The following KDM5B variants were observed in gnomAD, a reference collection of about 807,000 sequenced individuals.
KDM5B encodes lysine-specific demethylase 5B.
KDM5B carries 144 observed loss-of-function variants against 193.4 expected under a neutral mutation model. The ratio of observed to expected loss-of-function variants is 0.74; its 90% confidence interval spans 0.65 to 0.86. The LOEUF is 0.86. Among genes scored for constraint, KDM5B ranks in the 40% least tolerant of loss-of-function variants. The pLI, the probability that KDM5B is intolerant of heterozygous loss-of-function variation, is 0.00. For synonymous variants in KDM5B, 668 were observed against 682.6 expected (o/e 0.98, Z 0.33); for missense variants, 1,833 against 1,886.9 (o/e 0.97, Z 0.53).
intron 13 of KDM5B, 118 bp from the exon 14 acceptor site, chr1:202,749,257 T>C (rs1380924644): frequency 4.6e-6 from 4 of 869,858 alleles, no homozygotes; most frequent in Middle Eastern, 2.4e-4. Flanking sequence ...CACGTATCAT[T>C]TACCAACCCT....
At chr1:202,786,643 A>G (rs1359540265) in intron 1 of KDM5B, among the ~76,000 whole-genome samples, 2 of 152,250 alleles carry the variant, frequency 1.3e-5, no homozygotes, top group African/African-American at 2.4e-5. Context: ...TGTGCCCACT[A>G]TACAAAACTT....
chr1:202,779,259 G>A (rs781424471), intron 1 of KDM5B, among the ~76,000 whole-genome samples: 5 of 151,584 alleles, frequency 3.3e-5, no homozygotes, highest in South Asian at 4.2e-4. Flanking sequence ...GGTGACTCAC[G>A]CCTGTAATCA....
Position 202,808,077 on chromosome 1 carries a change from G to C in KDM5B, c.204+25C>G, listed in dbSNP as rs760254375. ...CGCTCCCTCCCCCAGCCACGAGCTG[G>C]ATCCGGGGTGCTGGCGTGACTCACC... On this transcript the variant is annotated intron_variant, in intron 1 of 26. Transcript: ENST00000367265. The C allele has an allele frequency of 2.5e-6, 4 of 1,604,240 alleles. No individual in the cohort carries two copies. In the East Asian group the frequency reaches 6.8e-5, roughly 27 times the overall value.
Position 202,774,509 on chromosome 1 carries a change from C to T in KDM5B, c.405+104G>A, listed in dbSNP as rs377743267. The T allele has an allele frequency of 5.5e-5, 59 of 1,063,732 alleles. 1 individual carries two copies. Among genetic ancestry groups the T allele is most frequent in the Admixed American group, 2.1e-4 (10 of 46,960 alleles). 65.9% of individuals were successfully genotyped at this position (1,063,732 alleles called of 1,614,324 possible). On this transcript the variant is annotated intron_variant, in intron 3 of 26. Coordinates refer to ENST00000367265, the MANE Select transcript of KDM5B (RefSeq NM_006618.5). ...TCCCAAAGTGCTGAGATTACAGGTG[C>T]GAGCCACCTGGCTGAGCAATAAGTT... is the stretch of plus-strand genomic sequence containing the variant.
At chr1:202,754,235 G>C (rs1220463634) in intron 11 of KDM5B, among the ~76,000 whole-genome samples, 1 of 152,178 alleles carries the variant, frequency 6.6e-6, no homozygotes, top group Non-Finnish European at 1.5e-5. Flanking sequence ...ACAGCTGGGA[G>C]AAACTGCCTA....
At chr1:202,753,283 G>C (rs1227112250) in intron 11 of KDM5B, among the ~76,000 whole-genome samples, 2 of 152,084 alleles carry the variant, frequency 1.3e-5, no homozygotes, top group African/African-American at 4.8e-5. Flanking sequence ...AGATCACGAG[G>C]TCAGGAGTTC....
At position 202,758,307 on chromosome 1, in the gene KDM5B, G is replaced by A. The variant is rs1400750545; in HGVS notation, c.1197+84C>T. On this transcript the variant is annotated intron_variant, in intron 9 of 26. Transcript: ENST00000367265. ...GTGTGACAATGCCTACTAGAGTGAGGCCTCAACTAAAAATGGGTCTTCAGG... is the reference window on the plus strand; with the variant it reads ...GTGTGACAATGCCTACTAGAGTGAGACCTCAACTAAAAATGGGTCTTCAGG... The A allele has an allele frequency of 3.5e-6, 4 of 1,132,116 alleles. No homozygotes were observed. In the East Asian group the frequency reaches 1.0e-4, roughly 29 times the overall value. 70.1% of individuals were successfully genotyped at this position (1,132,116 alleles called of 1,614,324 possible). A position where few individuals can be genotyped will look rare whatever the true frequency, so the allele number is the denominator to read the frequency against.
intron 1 of KDM5B, among the ~76,000 whole-genome samples, chr1:202,782,926 A>C (rs1378753688): frequency 1.3e-5 from 2 of 152,086 alleles, no homozygotes; most frequent in Non-Finnish European, 2.9e-5. Flanking sequence ...CAAAAGGGGG[A>C]GGACTGCTTG....
chr1:202,736,478 T>G (rs149914548), intron 20 of KDM5B, 86 bp from the exon 21 acceptor site: 41 of 1,047,706 alleles, frequency 3.9e-5, no homozygotes, highest in Non-Finnish European at 5.2e-5. Flanking sequence ...ATTGGTCCAT[T>G]GAGTACTTCA....
At chr1:202,740,304 G>A (rs530137798) in intron 20 of KDM5B, among the ~76,000 whole-genome samples, 4,080 of 132,636 alleles carry the variant, frequency 0.031, 233 homozygotes, top group Non-Finnish European at 0.046. Flanking sequence ...CAGTAGGGGC[G>A]GCCGGGCAGA....
At chr1:202,752,788 T>C (rs1347699273) in intron 12 of KDM5B, 117 bp downstream of exon 12, 2 of 972,206 alleles carry the variant, frequency 2.1e-6, no homozygotes, top group Non-Finnish European at 3.1e-6. Flanking sequence ...GTTTCTGCTA[T>C]CAAGTCATGC....
At chr1:202,749,486 G>A (rs932027198) in intron 13 of KDM5B, among the ~76,000 whole-genome samples, 5 of 152,108 alleles carry the variant, frequency 3.3e-5, no homozygotes, top group Admixed American at 1.3e-4. Context: ...GAGCCTGGGA[G>A]GTCGAGGCTG....
chr1:202,772,307 A>G (rs560298562), intron 4 of KDM5B, among the ~76,000 whole-genome samples: 1 of 152,328 alleles, frequency 6.6e-6, no homozygotes, highest in African/African-American at 2.4e-5. Context: ...TTTTAAGTGA[A>G]TAATTTCACA....
chr1:202,792,964 T>C (rs1657699203), intron 1 of KDM5B, among the ~76,000 whole-genome samples: 1 of 142,954 alleles, frequency 7.0e-6, no homozygotes, highest in Non-Finnish European at 1.5e-5. Context: ...GCCATTGCAC[T>C]CCAACTCCAG....
chr1:202,754,731 G>T (rs1655940602), intron 11 of KDM5B, among the ~76,000 whole-genome samples: 1 of 152,230 alleles, frequency 6.6e-6, no homozygotes, highest in African/African-American at 2.4e-5. Flanking sequence ...TGCCCAGGCA[G>T]GAGTGCAATG....
At position 202,729,828 on chromosome 1, in the gene KDM5B, A is replaced by C; in HGVS notation, c.4376T>G (p.Leu1459Ter). ...GGAATGAGTTTCAGCAGAACGAACT[A>C]ATTCATAGCTACGCTCTCTCTCTAA... ...FKLERERSYE[L>*]VRSAETHSLP... Residue 1459 changes from leucine to a stop codon, truncating the protein, a stop_gained, in exon 26 of 27, where the codon TTA becomes TGA. Transcript: ENST00000367265. LOFTEE classifies it high-confidence loss of function. The C allele has an allele frequency of 6.2e-7, 1 of 1,614,064 alleles. No individual in the cohort carries two copies. Among genetic ancestry groups the C allele is most frequent in the Non-Finnish European group, 8.5e-7 (1 of 1,179,956 alleles).
At chr1:202,802,709 C>G (rs900083982) in intron 1 of KDM5B, among the ~76,000 whole-genome samples, 5 of 151,972 alleles carry the variant, frequency 3.3e-5, no homozygotes, top group Non-Finnish European at 5.9e-5. Context: ...TTTTTTTACC[C>G]AAGAGAAAAT....
At chr1:202,789,402 T>C (rs899680750) in intron 1 of KDM5B, among the ~76,000 whole-genome samples, 2 of 149,980 alleles carry the variant, frequency 1.3e-5, no homozygotes, top group African/African-American at 4.9e-5. Context: ...GCGCCTATAA[T>C]CCCAGCTACT....
chr1:202,746,428 T>G, intron 14 of KDM5B, 105 bp from the exon 15 acceptor site: 19 of 679,914 alleles, frequency 2.8e-5, no homozygotes, highest in African/African-American at 3.6e-5. Flanking sequence ...AAAAAAGCTT[T>G]ACCAAAATAG....
Sources: gnomAD v4.1 joint callset for allele counts (sites outside exome capture counted in the v4.1 genomes callset) on GRCh38, gnomAD v4.1.1 for gene constraint, MANE v1.5 for transcripts, NCBI Gene and HGNC (gene_info 2026-07-23, HGNC 2026-07-21) for gene names.